Variants in UNC80 observed in about 807,000 individuals in gnomAD.
UNC80 encodes protein unc-80 homolog.
UNC80 carries 164 observed loss-of-function variants against 384.6 expected under a neutral mutation model. The observed-to-expected ratio is 0.43, with a 90% CI of 0.38 to 0.49. The LOEUF (loss-of-function observed/expected upper bound fraction) is 0.49, where lower values mean the gene tolerates loss of function less well. Among genes scored for constraint, UNC80 ranks in the 20% least tolerant of loss-of-function variants. UNC80 has a pLI of 0.00. For synonymous variants in UNC80, 1,486 were observed against 1,527.8 expected, an observed-to-expected ratio of 0.97 and a Z score of 0.64; for missense variants, 3,330 against 4,143.0, an observed-to-expected ratio of 0.80 and a Z score of 5.39.
intron 18 of UNC80, among the ~76,000 whole-genome samples, chr2:209,836,540 A>G (rs2081347007): frequency 6.6e-6 from 1 of 152,228 alleles, no homozygotes. Context: ...AGCATTTAGC[A>G]CATCTATTCT....
At chr2:209,914,776 G>T (rs1057320186) in intron 31 of UNC80, among the ~76,000 whole-genome samples, 3 of 151,762 alleles carry the variant, frequency 2.0e-5, no homozygotes, top group Non-Finnish European at 4.4e-5. Flanking sequence ...AGTGCACTTT[G>T]AATTTTTTCA....
chr2:209,798,823 G>T (rs1485929063), intron 7 of UNC80, among the ~76,000 whole-genome samples: 1 of 147,326 alleles, frequency 6.8e-6, no homozygotes, highest in Admixed American at 6.8e-5. Context: ...GACTACAGGC[G>T]CCCACCACCA....
At chr2:209,956,429 A>C (rs368433040) in intron 48 of UNC80, among the ~76,000 whole-genome samples, 17 of 152,310 alleles carry the variant, frequency 1.1e-4, no homozygotes, top group Middle Eastern at 3.4e-3. Context: ...ATCTAGTTCC[A>C]TGCGGCTTTA....
intron 14 of UNC80, among the ~76,000 whole-genome samples, chr2:209,827,820 A>C (rs920390388): frequency 2.6e-5 from 4 of 152,182 alleles, no homozygotes; most frequent in African/African-American, 9.7e-5. Flanking sequence ...AAGAAACAGA[A>C]GGTTATTCTA....
At chr2:209,930,495 T>C (rs560146801) in intron 37 of UNC80, among the ~76,000 whole-genome samples, 124 of 152,308 alleles carry the variant, frequency 8.1e-4, no homozygotes, top group African/African-American at 2.8e-3. Context: ...AAGTTAATTA[T>C]AGACATTTCA....
chr2:209,922,126 G>T, intron 34 of UNC80, 126 bp from the exon 35 acceptor site: 3 of 1,136,568 alleles, frequency 2.6e-6, no homozygotes, highest in Non-Finnish European at 3.6e-6. Flanking sequence ...CCTTTTCTAA[G>T]TACACTCAAA....
Position 209,819,158 on chromosome 2 carries a change from G to A in UNC80, c.1859G>A (p.Arg620Gln), listed in dbSNP as rs1302827621. The A allele has an allele frequency of 7.7e-6, 12 of 1,552,156 alleles. No homozygotes were observed. The highest frequency in any genetic ancestry group is 2.4e-5 in the East Asian group (1 of 40,918). The change falls in exon 12 of 65, where the codon CGA becomes CAA. Residue 620 changes from arginine (R) to glutamine (Q), a missense_variant. By Grantham distance (43) the Arg-to-Gln change is conservative. Around this residue, in one of 8 missense-constraint regions of UNC80, gnomAD observed 937 missense variants for 1,026.8 expected, o/e 0.91. Coordinates refer to ENST00000673920, the MANE Select transcript of UNC80 (RefSeq NM_001371986.1). ...CCTCTGGCATGTGCTAACCTACCTCGAAGCCTCACAGACTCCTGCATAAAC... is the reference window on the plus strand; with the variant it reads ...CCTCTGGCATGTGCTAACCTACCTCAAAGCCTCACAGACTCCTGCATAAAC... ...HEPLACANLP[R>Q]SLTDSCINYS...
At position 209,816,992 on chromosome 2, in the gene UNC80, A is replaced by AG; in HGVS notation, c.1420dup (p.Val474GlyfsTer35). 1 of 1,551,694 alleles carries AG rather than the reference A, an allele frequency of 6.4e-7. No homozygotes were observed. Among genetic ancestry groups the AG allele is most frequent in the South Asian group, 1.2e-5 (1 of 84,056 alleles). The stretch of plus-strand genomic sequence containing the variant: ...GCAAGAGGAGGCCACGGAGAATGGG[A>AG]GTGCCCTTCCTGCTTCACGAGGACC... On this transcript the variant is annotated frameshift_variant, in exon 10 of 65. Transcript: ENST00000673920. LOFTEE classifies it high-confidence loss of function.
chr2:209,797,771 C>T (rs1356525594), intron 7 of UNC80, among the ~76,000 whole-genome samples: 1 of 152,168 alleles, frequency 6.6e-6, no homozygotes, highest in Non-Finnish European at 1.5e-5. Flanking sequence ...TTTACATTCC[C>T]ACCAACAGTG....
rs2093482529 is a variant in UNC80, at chr2:209,996,274, A to G, written c.*679A>G. Reference sequence around the variant, plus strand: ...ATAAGATCATCCCATTTCATAATCTATCACATTAGAATATTACAGAATATT... The same window carrying G: ...ATAAGATCATCCCATTTCATAATCTGTCACATTAGAATATTACAGAATATT... On this transcript the variant is annotated 3_prime_UTR_variant, in exon 65 of 65. Coordinates refer to ENST00000673920, the MANE Select transcript of UNC80 (RefSeq NM_001371986.1). The G allele has an allele frequency of 6.6e-6, 1 of 152,352 alleles. No homozygotes were observed. Among genetic ancestry groups the G allele is most frequent in the Admixed American group, 6.5e-5 (1 of 15,314 alleles). 9.4% of individuals were successfully genotyped at this position (152,352 alleles called of 1,614,324 possible). A position where few individuals can be genotyped will look rare whatever the true frequency, so the allele number is the denominator to read the frequency against.
At chr2:209,818,924 A>T in intron 11 of UNC80, 69 bp from the exon 12 acceptor site, 1 of 1,465,284 alleles carries the variant, frequency 6.8e-7, no homozygotes, top group Non-Finnish European at 9.2e-7. Context: ...TTGAAGTAAT[A>T]GTATAACTGT....
At chr2:209,826,260 T>G (rs1199333541) in intron 14 of UNC80, among the ~76,000 whole-genome samples, 1 of 152,216 alleles carries the variant, frequency 6.6e-6, no homozygotes, top group Non-Finnish European at 1.5e-5. Context: ...TGGGAAAACA[T>G]TTCTGCCTCC....
intron 50 of UNC80, 74 bp downstream of exon 50, chr2:209,959,228 G>A: frequency 6.7e-7 from 1 of 1,487,472 alleles, no homozygotes; most frequent in Non-Finnish European, 9.2e-7. Context: ...CTGGTTTATG[G>A]CTCTATTAGA....
intron 47 of UNC80, among the ~76,000 whole-genome samples, chr2:209,948,736 T>A (rs1299481325): frequency 6.6e-6 from 1 of 152,132 alleles, no homozygotes; most frequent in Non-Finnish European, 1.5e-5. Context: ...TCATTTCTGA[T>A]CCCGGGGTAT....
At position 209,906,663 on chromosome 2, in the gene UNC80, A is replaced by C. The variant is rs529518363; in HGVS notation, c.4782+1698A>C. On this transcript the variant is annotated intron_variant, in intron 29 of 64. Transcript: ENST00000673920. The stretch of plus-strand genomic sequence containing the variant: ...TGCAAATAATACAAATTCTGAGGGG[A>C]ATGAAGGTGGAGAATAGACCAATGT... Among the ~76,000 whole-genome samples, 168 of 152,256 alleles carry C rather than the reference A, an allele frequency of 1.1e-3. 1 individual carries two copies. Among genetic ancestry groups the C allele is most frequent in the African/African-American group, 3.8e-3 (156 of 41,560 alleles).
intron 48 of UNC80, among the ~76,000 whole-genome samples, chr2:209,955,932 C>T (rs565628024): frequency 8.6e-4 from 131 of 151,514 alleles, no homozygotes; most frequent in Non-Finnish European, 1.5e-3. Context: ...TCAGTAGAGA[C>T]GGTGTTTCCC....
At chr2:209,806,951 T>C (rs1401798264) in intron 7 of UNC80, among the ~76,000 whole-genome samples, 1 of 152,214 alleles carries the variant, frequency 6.6e-6, no homozygotes, top group African/African-American at 2.4e-5. Flanking sequence ...TGCTATCAGG[T>C]CTCAACCCTA....
chr2:209,925,710 A>T (rs144952915), intron 35 of UNC80, among the ~76,000 whole-genome samples: 17 of 152,206 alleles, frequency 1.1e-4, no homozygotes, highest in Middle Eastern at 3.4e-3. Context: ...TGGTGCATTT[A>T]CAATCCTTTA....
At chr2:209,963,197 TTCTC>T (rs935777297) in intron 51 of UNC80, among the ~76,000 whole-genome samples, 60 of 152,242 alleles carry the variant, frequency 3.9e-4, no homozygotes, top group Admixed American at 3.9e-3. Flanking sequence ...AATCTGCAAA[TTCTC>T]TCTCTTTTTC....
Sources: allele counts gnomAD v4.1 joint callset (sites outside exome capture counted in the v4.1 genomes callset), GRCh38; gene constraint gnomAD v4.1.1; regional missense constraint gnomAD v4.1.1; transcripts MANE v1.5; gene names NCBI Gene and HGNC (gene_info 2026-07-23, HGNC 2026-07-21).